The following PCDHA6 variants were observed in gnomAD, a reference collection of about 807,000 sequenced individuals.
PCDHA6 encodes protocadherin alpha 6.
In PCDHA6, 55 loss-of-function variants were observed where a neutral mutation model predicts 60.3. The observed-to-expected ratio is 0.91, with a 90% CI of 0.73 to 1.14. The LOEUF (loss-of-function observed/expected upper bound fraction) is 1.14. Among genes scored for constraint, PCDHA6 ranks in the 50% most tolerant of loss-of-function variants. PCDHA6 has a pLI of 0.00. For synonymous variants in PCDHA6, 652 were observed against 557.9 expected, an observed-to-expected ratio of 1.17 and a Z score of -2.38; for missense variants, 1,327 against 1,256.5, an observed-to-expected ratio of 1.06 and a Z score of -0.85.
At chr5:140,959,886 G>A (rs1171381497) in intron 1 of PCDHA6, among the ~76,000 whole-genome samples, 1 of 152,194 alleles carries the variant, frequency 6.6e-6, no homozygotes, top group Non-Finnish European at 1.5e-5. Flanking sequence ...GAATACACGA[G>A]TGGGATTTAT....
chr5:140,966,962 G>A (rs370831122), intron 1 of PCDHA6: 1 of 1,602,750 alleles, frequency 6.2e-7, no homozygotes, highest in Non-Finnish European at 8.5e-7. Context: ...TCGCGCGCTG[G>A]GGCTTGAGCT....
intron 3 of PCDHA6, among the ~76,000 whole-genome samples, chr5:140,998,364 C>T (rs2097808386): frequency 6.6e-6 from 1 of 152,192 alleles, no homozygotes; most frequent in South Asian, 2.1e-4. Flanking sequence ...AACCACTGCA[C>T]ACACCGTCTC....
chr5:140,929,283 G>C lies in PCDHA6; in HGVS notation c.2395-49666G>C, dbSNP rs782178876. On this transcript the variant is annotated intron_variant, in intron 1 of 3. Coordinates refer to ENST00000529310, the MANE Select transcript of PCDHA6 (RefSeq NM_018909.4). ...TGAATTTGCCAATATCCTGTATTCA[G>C]ATTCGGAATAGGAAAGGGGATCACG... 52 of 1,600,904 alleles carry C rather than the reference G, an allele frequency of 3.2e-5. No homozygotes were observed. The African/African-American group carries it at 6.7e-4, about 21-fold the overall frequency.
intron 3 of PCDHA6, among the ~76,000 whole-genome samples, chr5:141,008,684 G>A (rs1426948038): frequency 2.0e-5 from 3 of 152,236 alleles, no homozygotes; most frequent in South Asian, 4.2e-4. Flanking sequence ...TTTAGTTATT[G>A]CATGTATTAA....
At position 140,876,514 on chromosome 5, in the gene PCDHA6, C is replaced by T. The variant is rs782076196; in HGVS notation, c.2394+46029C>T. ...AGTTCTGGACGTGAATGACAATGTC[C>T]CTGAAGTAATGGTTACTTCACTGTC... On this transcript the variant is annotated intron_variant, in intron 1 of 3. Coordinates refer to ENST00000529310, the MANE Select transcript of PCDHA6 (RefSeq NM_018909.4). 2.5e-6 allele frequency: 4 copies of T among 1,614,026 alleles called. No homozygotes were observed. In the Admixed American group the frequency reaches 6.7e-5, roughly 27 times the overall value.
chr5:140,909,684 G>A (rs2074634664), intron 1 of PCDHA6, among the ~76,000 whole-genome samples: 1 of 152,220 alleles, frequency 6.6e-6, no homozygotes, highest in Non-Finnish European at 1.5e-5. Context: ...GGGAGCCAAT[G>A]TGGGGGTTCT....
chr5:140,877,323 C>T (rs782217893), intron 1 of PCDHA6: 2 of 1,613,988 alleles, frequency 1.2e-6, no homozygotes, highest in East Asian at 2.2e-5. Context: ...CGGCGGTCGG[C>T]GCGCACATCC....
rs566725560 is a variant in PCDHA6, at chr5:140,929,099, G to T, written c.2395-49850G>T. The T allele has an allele frequency of 9.3e-6, 15 of 1,614,170 alleles. No homozygotes were observed. The African/African-American group carries it at 1.9e-4, about 20-fold the overall frequency. ...GGAAGTAAGATGGTTTCAAATCCTT[G>T]CATGACATCAGCCACCATAGATGTC... On this transcript the variant is annotated intron_variant, in intron 1 of 3. Transcript: ENST00000529310.
chr5:141,002,975 A>G (rs188944079), intron 3 of PCDHA6, among the ~76,000 whole-genome samples: 1 of 152,338 alleles, frequency 6.6e-6, no homozygotes, highest in Admixed American at 6.5e-5. Context: ...TGAAAATAGT[A>G]TCCTTGGTCA....
At chr5:140,923,219 CGTTTG>C (rs2081242278) in intron 1 of PCDHA6, among the ~76,000 whole-genome samples, 3 of 151,974 alleles carry the variant, frequency 2.0e-5, no homozygotes, top group Admixed American at 1.3e-4. Context: ...GTGAAAGGAT[CGTTTG>C]AGCCCAGAAG....
intron 1 of PCDHA6, among the ~76,000 whole-genome samples, chr5:140,946,629 T>TATATATATATATATATATAC (rs1367833800): frequency 1.4e-4 from 17 of 123,272 alleles, no homozygotes; most frequent in African/African-American, 5.1e-4. Context: ...TATATATATA[T>TATATATATATATATATATAC]ATACAATGGA....
intron 1 of PCDHA6, chr5:140,857,942 A>G: frequency 6.3e-7 from 1 of 1,597,440 alleles, no homozygotes; most frequent in Non-Finnish European, 8.6e-7. Flanking sequence ...CGAGATCAGT[A>G]CGACGCGCGC....
intron 1 of PCDHA6, among the ~76,000 whole-genome samples, chr5:140,900,051 C>G (rs1489382607): frequency 6.6e-6 from 1 of 152,168 alleles, no homozygotes; most frequent in African/African-American, 2.4e-5. Flanking sequence ...CTCAAGTGAT[C>G]CTTTAACCTC....
intron 1 of PCDHA6, chr5:140,929,486 T>G (rs1258020318): frequency 8.8e-7 from 1 of 1,141,828 alleles, no homozygotes; most frequent in Non-Finnish European, 1.2e-6. Flanking sequence ...TATAGAAGTA[T>G]TAGAAGATTG....
intron 1 of PCDHA6, chr5:140,870,883 C>G: frequency 6.2e-7 from 1 of 1,613,920 alleles, no homozygotes; most frequent in South Asian, 1.1e-5. Flanking sequence ...GGCGAAGGTG[C>G]GCGCAGTGGA....
rs1770068473 is a variant in PCDHA6, at chr5:140,828,991, A to G, written c.900A>G (p.Gly300=). 6.2e-7 allele frequency: 1 copy of G among 1,613,938 alleles called. No individual in the cohort carries two copies. Among genetic ancestry groups the G allele is most frequent in the Non-Finnish European group, 8.5e-7 (1 of 1,179,916 alleles). ...ACTTTAGCATAGATCGAAATACGGG[A>G]GAAATAGTGATTCGGGGTAATTTGG... The part of the protein sequence containing the change: ...IDHFSIDRNT[G]EIVIRGNLDF... Residue 300 remains glycine (G), a synonymous_variant, in exon 1 of 4, where the codon GGA becomes GGG. Coordinates refer to ENST00000529310, the MANE Select transcript of PCDHA6 (RefSeq NM_018909.4).
chr5:140,939,280 C>T (rs985518425), intron 1 of PCDHA6, among the ~76,000 whole-genome samples: 1 of 152,064 alleles, frequency 6.6e-6, no homozygotes, highest in Non-Finnish European at 1.5e-5. Flanking sequence ...GCTGTGCCCT[C>T]GTGATCTAAT....
At chr5:140,874,144 T>A (rs1554167057) in intron 1 of PCDHA6, among the ~76,000 whole-genome samples, 1 of 152,244 alleles carries the variant, frequency 6.6e-6, no homozygotes, top group Non-Finnish European at 1.5e-5. Context: ...CTTATACTTG[T>A]AGAGCCATTC....
chr5:140,978,188 C>A (rs1480380395), intron 1 of PCDHA6, among the ~76,000 whole-genome samples: 2 of 152,176 alleles, frequency 1.3e-5, no homozygotes, highest in Non-Finnish European at 2.9e-5. Context: ...GGCAACAGAT[C>A]TTTTCAATAC....
Sources: allele counts gnomAD v4.1 joint callset (sites outside exome capture counted in the v4.1 genomes callset), GRCh38; gene constraint gnomAD v4.1.1; transcripts MANE v1.5; gene names NCBI Gene and HGNC (gene_info 2026-07-23, HGNC 2026-07-21).